Variants in NR4A1 observed in about 807,000 individuals in gnomAD.
NR4A1 encodes nuclear receptor subfamily 4 group A member 1.
A neutral mutation model predicts 47.5 loss-of-function variants in NR4A1; 24 were observed. That is an observed-to-expected ratio of 0.50 (90% CI 0.37 to 0.71). NR4A1 has a LOEUF of 0.71. Ranked by LOEUF, NR4A1 falls within the 30% of genes least tolerant of loss-of-function variation. The pLI is 0.00. For synonymous variants in NR4A1, 353 were observed against 345.7 expected (o/e 1.02, Z -0.24); for missense variants, 669 against 788.6 (o/e 0.85, Z 1.82).
At chr12:52,030,635 G>A (rs907473697) in intron 1 of NR4A1, among the ~76,000 whole-genome samples, 1 of 152,074 alleles carries the variant, frequency 6.6e-6, no homozygotes, top group Non-Finnish European at 1.5e-5. Context: ...CATTATGTTG[G>A]CCAGTCTGGT....
chr12:52,041,886 C>CGGGA (rs749286558), exon 2 of NR4A1: 1 of 1,530,052 alleles, frequency 6.5e-7, no homozygotes, highest in Admixed American at 1.8e-5. Context: ...TGAAGGCAGA[C>CGGGA]GGGATAATGT....
At chr12:52,041,951 T>C (rs1938456624) in intron 2 of NR4A1, 2 of 1,354,182 alleles carry the variant, frequency 1.5e-6, no homozygotes, top group South Asian at 2.0e-5. Context: ...GCTATTGTCC[T>C]TTGTACACCC....
intron 1 of NR4A1, among the ~76,000 whole-genome samples, chr12:52,032,355 C>G (rs553649913): frequency 6.6e-6 from 1 of 152,338 alleles, no homozygotes; most frequent in South Asian, 2.1e-4. Flanking sequence ...GACATCCATG[C>G]TCTGATTCTT....
rs931663165 is a variant in NR4A1 at position 52,059,106 on chromosome 12, G to C, written c.*162G>C. 1 of 910,502 alleles carries C rather than the reference G, an allele frequency of 1.1e-6. No individual in the cohort carries two copies. Among genetic ancestry groups the C allele is most frequent in the Non-Finnish European group, 1.6e-6 (1 of 622,328 alleles). The allele number at this position is 910,502 out of a possible 1,614,324, so 56.4% of individuals were successfully genotyped here. ...GGTTTGCAGGGAGCTCAAGCCCTTG[G>C]GGAGGGGGATGCCTTCATGGGGGTG... On this transcript the variant is annotated 3_prime_UTR_variant, in exon 7 of 7. Transcript: ENST00000394825.
intron 1 of NR4A1, among the ~76,000 whole-genome samples, chr12:52,035,514 C>T (rs1938216344): frequency 6.6e-6 from 1 of 152,154 alleles, no homozygotes; most frequent in Non-Finnish European, 1.5e-5. Flanking sequence ...AGCTGCTCCT[C>T]TAAGAAGCCC....
chr12:52,055,102 G>C lies in NR4A1; in HGVS notation c.774G>C (p.Gly258=). The change falls in exon 2 of 7, where the codon GGG becomes GGC. Residue 258 remains glycine (G), a synonymous_variant. Coordinates refer to ENST00000394825, the MANE Select transcript of NR4A1 (RefSeq NM_173157.3). ...TGACCTCAACCAAGGCCCGGAGCGG[G>C]GCCCCAGGTGGAAGTGAAGGCCGCT... ...TPVTSTKARS[G]APGGSEGRCA... 2 of 1,614,244 alleles carry C rather than the reference G, an allele frequency of 1.2e-6. No individual in the cohort carries two copies. The highest frequency in any genetic ancestry group is 2.2e-5 in the South Asian group (2 of 91,090).
chr12:52,047,180 G>A (rs532527864), upstream of NR4A1, among the ~76,000 whole-genome samples: 7 of 152,218 alleles, frequency 4.6e-5, no homozygotes, highest in East Asian at 5.8e-4. Flanking sequence ...CCATCTCCCC[G>A]ACAATTAGCT....
chr12:52,041,828 G>A, exon 2 of NR4A1: 1 of 1,477,458 alleles, frequency 6.8e-7, no homozygotes, highest in Non-Finnish European at 8.9e-7. Flanking sequence ...CATGGACAGA[G>A]GCCAGGCCCT....
chr12:52,054,961 C>T lies in NR4A1; in HGVS notation c.633C>T (p.Pro211=), dbSNP rs777372287. 1.2e-6 allele frequency: 2 copies of T among 1,614,234 alleles called. No individual in the cohort carries two copies. The highest frequency in any genetic ancestry group is 1.7e-6 in the Non-Finnish European group (2 of 1,180,040). ...CCCAGAGCCCCCTGAAGTTGTTCCC[C>T]TCACAGGCCACCCACCAGCTGGGGG... ...SLAQSPLKLF[P]SQATHQLGEG... Residue 211 remains proline (P), a synonymous_variant, in exon 2 of 7, where the codon CCC becomes CCT. Coordinates refer to ENST00000394825, the MANE Select transcript of NR4A1 (RefSeq NM_173157.3).
intron 2 of NR4A1, among the ~76,000 whole-genome samples, chr12:52,046,091 G>A (rs962752660): frequency 4.6e-5 from 7 of 152,216 alleles, no homozygotes; most frequent in African/African-American, 1.7e-4. Context: ...CCCATGGGTG[G>A]GGACAGTCTC....
intron 1 of NR4A1, among the ~76,000 whole-genome samples, chr12:52,033,455 T>C (rs1034440043): frequency 6.6e-6 from 1 of 152,240 alleles, no homozygotes; most frequent in Non-Finnish European, 1.5e-5. Context: ...ACAAATAAAA[T>C]TGCAGAGGAT....
intron 2 of NR4A1, chr12:52,045,433 G>A (rs368271269): frequency 1.0e-4 from 44 of 427,712 alleles, no homozygotes; most frequent in African/African-American, 8.5e-4. Context: ...CCTGTGCCCT[G>A]GAGGTACTGC....
intron 1 of NR4A1, among the ~76,000 whole-genome samples, chr12:52,051,998 C>A (rs1273551660): frequency 2.0e-5 from 3 of 152,158 alleles, no homozygotes; most frequent in African/African-American, 7.2e-5. Context: ...CCAAAAGGCC[C>A]TCCTTCCTCC....
chr12:52,042,789 C>T (rs1938488317), intron 2 of NR4A1, among the ~76,000 whole-genome samples: 2 of 152,188 alleles, frequency 1.3e-5, no homozygotes, highest in Non-Finnish European at 2.9e-5. Context: ...GGGCCAAGGG[C>T]ACTGTAGTCC....
At chr12:52,058,337 T>C in intron 6 of NR4A1, 1 of 266,282 alleles carries the variant, frequency 3.8e-6, no homozygotes, top group African/African-American at 2.2e-5. Flanking sequence ...TACTCTGGGC[T>C]GAGGGAGTGC....
intron 1 of NR4A1, among the ~76,000 whole-genome samples, chr12:52,032,623 T>C (rs910155429): frequency 6.6e-6 from 1 of 152,214 alleles, no homozygotes; most frequent in East Asian, 1.9e-4. Context: ...TCTGTTTTGT[T>C]CTGTGCTGTG....
rs1209564647 is a variant in NR4A1, at chr12:52,051,542, C to T, written c.-29C>T. The T allele has an allele frequency of 1.0e-6, 1 of 985,934 alleles. No homozygotes were observed. The highest frequency in any genetic ancestry group is 1.2e-6 in the Non-Finnish European group (1 of 830,308). The allele number at this position is 985,934 out of a possible 1,614,324, so 61.1% of individuals were successfully genotyped here. A position where few individuals can be genotyped will look rare whatever the true frequency, so the allele number is the denominator to read the frequency against. Reference sequence around the variant, plus strand: ...CAGGCTGAGACTCGGGGCGCCAGTCCGGGCAGGGGCAGCGGGAGCCGGCCG... The same window carrying T: ...CAGGCTGAGACTCGGGGCGCCAGTCTGGGCAGGGGCAGCGGGAGCCGGCCG... On this transcript the variant is annotated 5_prime_UTR_variant, in exon 1 of 7. Coordinates refer to ENST00000394825, the MANE Select transcript of NR4A1 (RefSeq NM_173157.3).
At chr12:52,027,873 G>A (rs555577220) in intron 1 of NR4A1, among the ~76,000 whole-genome samples, 4 of 152,118 alleles carry the variant, frequency 2.6e-5, no homozygotes, top group South Asian at 2.1e-4. Flanking sequence ...GTAGGAGGGC[G>A]TTCTCCCAGC....
chr12:52,043,615 A>C (rs1295167177), intron 2 of NR4A1: 1 of 1,080,144 alleles, frequency 9.3e-7, no homozygotes, highest in Non-Finnish European at 1.2e-6. Context: ...ACCTGGGCCA[A>C]AGTCAGGTCC....
Sources: allele counts gnomAD v4.1 joint callset (sites outside exome capture counted in the v4.1 genomes callset), GRCh38; gene constraint gnomAD v4.1.1; transcripts MANE v1.5; gene names NCBI Gene and HGNC (gene_info 2026-07-23, HGNC 2026-07-21).